Variants in LTBP1 observed in about 807,000 individuals in gnomAD.
The protein encoded by LTBP1 is latent-transforming growth factor beta-binding protein 1.
Under a neutral mutation model 207.6 loss-of-function variants are expected in LTBP1, and 129 were observed. The ratio of observed to expected loss-of-function variants is 0.62; its 90% CI spans 0.54 to 0.72. The LOEUF (loss-of-function observed/expected upper bound fraction) is 0.72, where lower values mean the gene tolerates loss of function less well. Among genes scored for constraint, LTBP1 ranks in the 30% least tolerant of loss-of-function variants. LTBP1 has a pLI of 0.00. For missense variants in LTBP1, 2,281 were observed against 2,217.2 expected (o/e 1.03, Z -0.58); for synonymous variants, 963 against 833.7 (o/e 1.16, Z -2.67).
intron 7 of LTBP1, among the ~76,000 whole-genome samples, chr2:33,215,711 C>CTTTTTTTTTTTTTTTTTTT (rs201936680): frequency 7.9e-6 from 1 of 125,998 alleles, no homozygotes; most frequent in Non-Finnish European, 1.7e-5. Context: ...CATTGGTTTT[C>CTTTTTTTTTTTTTTTTTTT]TTTTGTTTTT....
rs1226114771 is a variant in LTBP1 at position 33,060,921 on chromosome 2, A to C, written c.863+39715A>C. 2.0e-5 allele frequency among the ~76,000 whole-genome samples: 3 copies of C among 152,286 alleles called. No individual in the cohort carries two copies. The East Asian group carries it at 5.8e-4, about 29-fold the overall frequency. On this transcript the variant is annotated intron_variant, in intron 3 of 33. Transcript: ENST00000404816. ...TTTTTTTTTCTGAAATAGCTCTTGCAAACAATTATATGAATCAAAACTGAA... is the reference window on the plus strand; with the variant it reads ...TTTTTTTTTCTGAAATAGCTCTTGCCAACAATTATATGAATCAAAACTGAA...
At chr2:33,377,134 A>G (rs769281790) in intron 31 of LTBP1, among the ~76,000 whole-genome samples, 1 of 152,178 alleles carries the variant, frequency 6.6e-6, no homozygotes, top group Non-Finnish European at 1.5e-5. Flanking sequence ...AGAGGGGAAA[A>G]CTTACTCCTT....
At chr2:33,348,978 T>G (rs187084351) in intron 26 of LTBP1, among the ~76,000 whole-genome samples, 1 of 152,298 alleles carries the variant, frequency 6.6e-6, no homozygotes, top group African/African-American at 2.4e-5. Context: ...ACAGTCTTCA[T>G]TTTTAAAAAA....
chr2:33,199,384 G>A (rs1479824954), intron 7 of LTBP1, among the ~76,000 whole-genome samples: 1 of 152,098 alleles, frequency 6.6e-6, no homozygotes, highest in Non-Finnish European at 1.5e-5. Flanking sequence ...TGTTGATTTG[G>A]GGTGGAGGGT....
intron 7 of LTBP1, among the ~76,000 whole-genome samples, chr2:33,190,150 C>T (rs1337490856): frequency 6.6e-6 from 1 of 152,136 alleles, no homozygotes; most frequent in Non-Finnish European, 1.5e-5. Flanking sequence ...TAAAACTCAT[C>T]ATTGAATGTG....
chr2:33,053,071 A>T (rs1179476092), intron 3 of LTBP1, among the ~76,000 whole-genome samples: 1 of 152,044 alleles, frequency 6.6e-6, no homozygotes, highest in Non-Finnish European at 1.5e-5. Flanking sequence ...GGGTTTCACT[A>T]TGTTGGTCAG....
intron 26 of LTBP1, among the ~76,000 whole-genome samples, chr2:33,350,760 A>G (rs1352581397): frequency 6.9e-6 from 1 of 144,706 alleles, no homozygotes. Context: ...ATATAGTCTG[A>G]TGCTATTATT....
In LTBP1 at chr2:33,284,689, C is replaced by T. The variant is rs116736749; in HGVS notation, c.3112+4531C>T. 2.7e-3 allele frequency among the ~76,000 whole-genome samples: 409 copies of T among 152,252 alleles called. 1 individual carries two copies. Among genetic ancestry groups the T allele is most frequent in the African/African-American group, 9.3e-3 (387 of 41,552 alleles). ...TGATTGAAACCCGATGAGAGCCATC[C>T]CCCAAGGAAACTCTCTAATATTTAA... is the stretch of plus-strand genomic sequence containing the variant. On this transcript the variant is annotated intron_variant, in intron 19 of 33. Coordinates refer to ENST00000404816, the MANE Select transcript of LTBP1 (RefSeq NM_206943.4).
chr2:33,243,693 C>T lies in LTBP1; in HGVS notation c.1908C>T (p.Cys636=). ...ATGAATGTCAGCTACAAGGTGTATG[C>T]CCTAATGGTGAGTGTTTGAATACCA... is the stretch of plus-strand genomic sequence containing the variant. The part of the protein sequence containing the change: ...DINECQLQGV[C]PNGECLNTMG... The change falls in exon 10 of 34, where the codon TGC becomes TGT. Residue 636 remains cysteine (C), a synonymous_variant. Transcript: ENST00000404816. The T allele has an allele frequency of 6.2e-7, 1 of 1,613,924 alleles. No homozygotes were observed. The highest frequency in any genetic ancestry group is 1.1e-5 in the South Asian group (1 of 91,068).
chr2:33,005,343 A>G (rs377646747), intron 2 of LTBP1, among the ~76,000 whole-genome samples: 2 of 152,186 alleles, frequency 1.3e-5, no homozygotes, highest in African/African-American at 4.8e-5. Flanking sequence ...GCAAGGTGGC[A>G]CTGGCTGCTA....
At chr2:33,192,566 G>T (rs1021718371) in intron 7 of LTBP1, among the ~76,000 whole-genome samples, 11 of 151,910 alleles carry the variant, frequency 7.2e-5, no homozygotes, top group African/African-American at 2.7e-4. Flanking sequence ...GATGATGTTT[G>T]TAGAAAGAGA....
intron 5 of LTBP1, among the ~76,000 whole-genome samples, chr2:33,143,753 A>G (rs2082807325): frequency 6.7e-6 from 1 of 150,154 alleles, no homozygotes. Context: ...CTTAAGTTCC[A>G]TTTCAAACAG....
At chr2:33,243,533 C>G in intron 9 of LTBP1, 129 bp from the exon 10 acceptor site, 1 of 744,804 alleles carries the variant, frequency 1.3e-6, no homozygotes, top group South Asian at 2.3e-5. Context: ...ATTATTCACA[C>G]CTGCTACATC....
In LTBP1 at chr2:33,034,556, A is replaced by G. The variant is rs139229013; in HGVS notation, c.863+13350A>G. ...TCATCTAGAATGATGACAGGCCTGGAAGCATAGGACAGAGCTGGCACATTT... is the reference window on the plus strand; with the variant it reads ...TCATCTAGAATGATGACAGGCCTGGGAGCATAGGACAGAGCTGGCACATTT... On this transcript the variant is annotated intron_variant, in intron 3 of 33. Transcript: ENST00000404816. Among the ~76,000 whole-genome samples, 348 of 152,276 alleles carry G rather than the reference A, an allele frequency of 2.3e-3. 3 individuals are homozygous for G. Among genetic ancestry groups the G allele is most frequent in the African/African-American group, 7.8e-3 (324 of 41,558 alleles).
chr2:33,212,250 A>T (rs2149294585), intron 7 of LTBP1, among the ~76,000 whole-genome samples: 1 of 152,308 alleles, frequency 6.6e-6, no homozygotes, highest in Middle Eastern at 3.4e-3. Context: ...TGCACTGCTG[A>T]ATCAAGGCTG....
chr2:33,098,344 T>G (rs2079511321), intron 3 of LTBP1, among the ~76,000 whole-genome samples: 1 of 152,234 alleles, frequency 6.6e-6, no homozygotes, highest in African/African-American at 2.4e-5. Context: ...TGTGGGAAAC[T>G]TCTGTATCTT....
At chr2:33,104,890 G>T (rs11124305) in intron 3 of LTBP1, among the ~76,000 whole-genome samples, 19 of 151,874 alleles carry the variant, frequency 1.3e-4, no homozygotes, top group Admixed American at 3.3e-4. Context: ...ACGCCTCATT[G>T]CACTTACTTT....
At chr2:33,220,440 T>A (rs2091026380) in intron 8 of LTBP1, among the ~76,000 whole-genome samples, 1 of 152,254 alleles carries the variant, frequency 6.6e-6, no homozygotes, top group Non-Finnish European at 1.5e-5. Context: ...TCATTGTTGA[T>A]CATTTTTTTT....
intron 2 of LTBP1, among the ~76,000 whole-genome samples, chr2:32,972,056 T>C (rs187337901): frequency 1.3e-5 from 2 of 152,116 alleles, no homozygotes; most frequent in Non-Finnish European, 2.9e-5. Context: ...AATGTATCTA[T>C]TTCTTGTAGG....
Sources: gnomAD v4.1 joint callset for allele counts (sites outside exome capture counted in the v4.1 genomes callset) on GRCh38, gnomAD v4.1.1 for gene constraint, MANE v1.5 for transcripts, NCBI Gene and HGNC (gene_info 2026-07-23, HGNC 2026-07-21) for gene names.